Variants in MBOAT2 observed in about 807,000 individuals in gnomAD.
MBOAT2 encodes the protein membrane bound glycerophospholipid O-acyltransferase 2.
MBOAT2 carries 28 observed loss-of-function variants against 63.4 expected under a neutral mutation model. That is an observed-to-expected ratio of 0.44 (90% CI 0.33 to 0.61). The LOEUF is 0.61. Ranked by LOEUF, MBOAT2 falls within the 20% of genes least tolerant of loss-of-function variation. MBOAT2 has a pLI of 0.03. For missense variants in MBOAT2, 470 were observed against 605.8 expected (o/e 0.78, Z 2.35); for synonymous variants, 211 against 215.6 (o/e 0.98, Z 0.19).
chr2:8,971,093 T>A (rs1670415140), intron 1 of MBOAT2, among the ~76,000 whole-genome samples: 1 of 152,206 alleles, frequency 6.6e-6, no homozygotes, highest in African/African-American at 2.4e-5. Context: ...ATATCCCTGA[T>A]GAACGTCGAT....
chr2:8,891,102 A>G (rs997472193), intron 4 of MBOAT2, among the ~76,000 whole-genome samples: 4 of 152,358 alleles, frequency 2.6e-5, no homozygotes, highest in Admixed American at 1.3e-4. Context: ...ATGCTTCATC[A>G]TATTTTGGTT....
intron 1 of MBOAT2, among the ~76,000 whole-genome samples, chr2:8,977,058 G>A (rs1215745680): frequency 6.6e-6 from 1 of 152,094 alleles, no homozygotes; most frequent in Non-Finnish European, 1.5e-5. Flanking sequence ...GCAGGAGGGA[G>A]ACGGTACTGA....
chr2:8,992,886 C>T (rs1277047112), intron 1 of MBOAT2, among the ~76,000 whole-genome samples: 1 of 152,198 alleles, frequency 6.6e-6, no homozygotes, highest in Non-Finnish European at 1.5e-5. Context: ...TTACCTGTTC[C>T]TTTGAGCTGC....
At chr2:8,963,227 G>C (rs1464603370) in intron 1 of MBOAT2, among the ~76,000 whole-genome samples, 4 of 148,576 alleles carry the variant, frequency 2.7e-5, no homozygotes, top group Admixed American at 2.0e-4. Context: ...AACAGAGTGA[G>C]AGCCTGTCTC....
At chr2:8,875,481 T>C (rs959653540) in intron 7 of MBOAT2, among the ~76,000 whole-genome samples, 7 of 152,202 alleles carry the variant, frequency 4.6e-5, no homozygotes, top group African/African-American at 1.7e-4. Flanking sequence ...TTTATAACAT[T>C]TGATATTTTC....
chr2:8,926,321 CAAGTAT>C (rs1182926480), intron 3 of MBOAT2, among the ~76,000 whole-genome samples: 1 of 152,064 alleles, frequency 6.6e-6, no homozygotes, highest in African/African-American at 2.4e-5. Flanking sequence ...CACCTGAATA[CAAGTAT>C]AAGTAATACA....
intron 4 of MBOAT2, among the ~76,000 whole-genome samples, chr2:8,892,682 T>TAAGGAATACAGAACACAGGTGGG (rs1664090923): frequency 6.6e-6 from 1 of 152,062 alleles, no homozygotes; most frequent in Non-Finnish European, 1.5e-5. Context: ...GTAAGGGGCC[T>TAAGGAATACAGAACACAGGTGGG]AAGGAATACA....
At chr2:8,872,965 G>A (rs1015130750) in intron 8 of MBOAT2, 143 bp downstream of exon 8, 3 of 559,588 alleles carry the variant, frequency 5.4e-6, no homozygotes, top group Admixed American at 3.5e-5. Context: ...TATGAGTTGC[G>A]AGGGCTGTTT....
rs961674817 is a variant in MBOAT2, at chr2:8,918,850, T to C, written c.300-10134A>G. On this transcript the variant is annotated intron_variant, in intron 3 of 12. Transcript: ENST00000305997. The stretch of plus-strand genomic sequence containing the variant: ...AACAATTTTTAGTAAATGTGTAGAG[T>C]TGTGTGACCATCACTGCAAGACCGC... Among the ~76,000 whole-genome samples the C allele has an allele frequency of 6.6e-5, 10 of 152,120 alleles. No homozygotes were observed. The South Asian group carries it at 8.3e-4, about 13-fold the overall frequency.
chr2:8,974,588 G>A (rs1037537537), intron 1 of MBOAT2, among the ~76,000 whole-genome samples: 1 of 152,152 alleles, frequency 6.6e-6, no homozygotes, highest in Non-Finnish European at 1.5e-5. Context: ...TCTCTGGAAG[G>A]ATACCCAGTA....
chr2:8,992,727 G>T (rs1041875984), intron 1 of MBOAT2, among the ~76,000 whole-genome samples: 3 of 152,214 alleles, frequency 2.0e-5, no homozygotes, highest in African/African-American at 7.2e-5. Flanking sequence ...GGATTAAAAT[G>T]GGAAGCTATG....
At chr2:8,936,272 T>C (rs1202774308) in intron 3 of MBOAT2, among the ~76,000 whole-genome samples, 1 of 152,168 alleles carries the variant, frequency 6.6e-6, no homozygotes, top group Non-Finnish European at 1.5e-5. Flanking sequence ...CAACTGTTCA[T>C]TTCAGAGGGT....
intron 2 of MBOAT2, among the ~76,000 whole-genome samples, chr2:8,951,744 A>T (rs551918309): frequency 5.2e-4 from 79 of 152,206 alleles, no homozygotes; most frequent in Admixed American, 3.5e-3. Context: ...GTCTCTGAGG[A>T]TCTTTTTGTA....
intron 7 of MBOAT2, among the ~76,000 whole-genome samples, chr2:8,874,995 C>T (rs1662600529): frequency 6.6e-6 from 1 of 152,174 alleles, no homozygotes; most frequent in Non-Finnish European, 1.5e-5. Flanking sequence ...GGTGAGCTGT[C>T]CCACATATAA....
At chr2:8,982,510 T>A (rs1671269491) in intron 1 of MBOAT2, among the ~76,000 whole-genome samples, 1 of 152,150 alleles carries the variant, frequency 6.6e-6, no homozygotes, top group Non-Finnish European at 1.5e-5. Flanking sequence ...TGGAAACCAC[T>A]CCTCACTTGC....
intron 3 of MBOAT2, among the ~76,000 whole-genome samples, chr2:8,922,433 T>A (rs905812786): frequency 1.1e-4 from 17 of 152,198 alleles, no homozygotes; most frequent in African/African-American, 4.1e-4. Context: ...AACTCTGGAT[T>A]TTAATCATCT....
intron 6 of MBOAT2, among the ~76,000 whole-genome samples, chr2:8,877,917 G>A (rs1009099779): frequency 1.3e-5 from 2 of 152,200 alleles, no homozygotes; most frequent in African/African-American, 2.4e-5. Flanking sequence ...GAGCAGGGAA[G>A]ACAGCTGAGG....
intron 3 of MBOAT2, among the ~76,000 whole-genome samples, chr2:8,924,034 G>C (rs1465958845): frequency 2.0e-5 from 3 of 152,214 alleles, no homozygotes; most frequent in African/African-American, 4.8e-5. Context: ...AGTACTGGTA[G>C]TAAGAACAGA....
intron 1 of MBOAT2, among the ~76,000 whole-genome samples, chr2:8,969,359 C>T (rs1347836843): frequency 2.6e-5 from 4 of 152,156 alleles, no homozygotes; most frequent in Non-Finnish European, 5.9e-5. Context: ...CCTAAAAGAG[C>T]TCCTGAAGGA....
Sources: allele counts gnomAD v4.1 joint callset (sites outside exome capture counted in the v4.1 genomes callset), GRCh38; gene constraint gnomAD v4.1.1; transcripts MANE v1.5; gene names NCBI Gene and HGNC (gene_info 2026-07-23, HGNC 2026-07-21).